Variants in RIF1 observed in about 807,000 individuals in gnomAD.
RIF1 encodes the protein telomere-associated protein RIF1.
Under a neutral mutation model 247.1 loss-of-function variants are expected in RIF1, and 45 were observed. The ratio of observed to expected loss-of-function variants is 0.18; its 90% CI spans 0.14 to 0.23. RIF1 has a LOEUF of 0.23. Among genes scored for constraint, RIF1 ranks in the 10% least tolerant of loss-of-function variants. RIF1 has a pLI of 1.00. For synonymous variants in RIF1, 1,087 were observed against 978.8 expected (o/e 1.11, Z -2.06); for missense variants, 2,967 against 2,862.5 (o/e 1.04, Z -0.83).
chr2:151,442,651 A>G (rs1277591356), intron 16 of RIF1, among the ~76,000 whole-genome samples: 2 of 152,008 alleles, frequency 1.3e-5, no homozygotes, highest in African/African-American at 2.4e-5. Flanking sequence ...TCTCTAGGAT[A>G]TAGGCATTGG....
At chr2:151,439,289 A>G (rs1265642865) in intron 14 of RIF1, among the ~76,000 whole-genome samples, 2 of 152,186 alleles carry the variant, frequency 1.3e-5, no homozygotes, top group African/African-American at 4.8e-5. Context: ...TCAAGGGTCA[A>G]CTGTACTTAG....
chr2:151,482,532 G>A (rs975213550), downstream of RIF1, among the ~76,000 whole-genome samples: 19 of 152,058 alleles, frequency 1.2e-4, no homozygotes, highest in Non-Finnish European at 2.6e-4. Flanking sequence ...CACATGGTGT[G>A]GGCGAGGGCA....
intron 20 of RIF1, among the ~76,000 whole-genome samples, chr2:151,451,398 TCA>T (rs1371765653): frequency 6.6e-6 from 1 of 152,202 alleles, no homozygotes; most frequent in Non-Finnish European, 1.5e-5. Flanking sequence ...CACTGTGTTC[TCA>T]CAAGATGAAA....
chr2:151,455,089 T>A lies in RIF1; in HGVS notation c.2539T>A (p.Leu847Met), dbSNP rs376040353. Residue 847 changes from leucine (L) to methionine (M), a missense_variant, in exon 22 of 36, where the codon TTG becomes ATG. This residue lies in a region of RIF1 where 2,028 missense variants were observed against 1,825.6 expected (regional missense o/e 1.11). Transcript: ENST00000444746. ...IISSVLGHIS[L>M]PSMIRKIFAT... ...TTCCAGTGTACTTGGGCATATTTCT[T>A]TGCCTTCTATGATCCGAAAAATATT... The A allele has an allele frequency of 1.8e-5, 29 of 1,613,328 alleles. No homozygotes were observed. In the African/African-American group the frequency reaches 3.7e-4, roughly 21 times the overall value.
At chr2:151,527,757 C>T in the RIF1 span, among the ~76,000 whole-genome samples, 5 of 152,326 alleles carry the variant, frequency 3.3e-5, no homozygotes, top group African/African-American at 1.2e-4. Context: ...GTCATCCACT[C>T]AGAGGTCATC....
At chr2:151,435,638 G>C in intron 11 of RIF1, 58 bp downstream of exon 11, 1 of 918,522 alleles carries the variant, frequency 1.1e-6, no homozygotes, top group South Asian at 1.5e-5. Flanking sequence ...TGACCTAGAA[G>C]CATAGTTTTG....
Position 151,498,927 on chromosome 2 carries a change from CAGT to C in RIF1, c.*514-415_*514-413del, listed in dbSNP as rs1407649326. Among the ~76,000 whole-genome samples, 5 of 150,606 alleles carry C rather than the reference CAGT, an allele frequency of 3.3e-5. No homozygotes were observed. The East Asian group carries it at 9.8e-4, about 29-fold the overall frequency. On this transcript the variant is annotated intron_variant and NMD_transcript_variant, in intron 10 of 13. Coordinates refer to the RIF1 transcript ENST00000454583. ...AACTTCAAAATATCTGTACAAATAA[CAGT>C]AGAGATAGAAAAGGTTAGAATAAGA...
At chr2:151,437,903 T>C (rs1490206946) in intron 13 of RIF1, among the ~76,000 whole-genome samples, 1 of 152,198 alleles carries the variant, frequency 6.6e-6, no homozygotes, top group Non-Finnish European at 1.5e-5. Flanking sequence ...GCTCTATGGC[T>C]CTAGCATCTG....
rs2058584112 is a variant in RIF1 at position 151,494,160 on chromosome 2, C to T, written c.*416-1069C>T. On this transcript the variant is annotated intron_variant and NMD_transcript_variant, in intron 9 of 13. Coordinates refer to the RIF1 transcript ENST00000454583. ...AGCACTTTTGTTTCTCAAGACAATACCGAGCTAATGTTTTCTTGATTGCGT... is the reference window on the plus strand; with the variant it reads ...AGCACTTTTGTTTCTCAAGACAATATCGAGCTAATGTTTTCTTGATTGCGT... 2 of 1,601,642 alleles carry T rather than the reference C, an allele frequency of 1.2e-6. No homozygotes were observed. The highest frequency in any genetic ancestry group is 1.3e-5 in the African/African-American group (1 of 74,770).
intron 35 of RIF1, 23 bp from the exon 36 acceptor site, chr2:151,474,834 G>A (rs1413302670): frequency 7.6e-7 from 1 of 1,319,452 alleles, no homozygotes; most frequent in Non-Finnish European, 1.1e-6. Flanking sequence ...AGATTTAATT[G>A]TGGTTTTTTT....
intron 21 of RIF1, 77 bp downstream of exon 21, chr2:151,451,782 T>C: frequency 1.4e-6 from 1 of 734,980 alleles, no homozygotes; most frequent in South Asian, 1.5e-5. Context: ...GAAGTCCTAA[T>C]ACCTTTGCCA....
intron 10 of RIF1, chr2:151,497,060 A>T (rs1402021400): frequency 6.4e-7 from 1 of 1,550,726 alleles, no homozygotes; most frequent in African/African-American, 1.4e-5. Context: ...CAACCAGAAA[A>T]ACAACCATGA....
chr2:151,483,601 T>C (rs1246659922), downstream of RIF1, among the ~76,000 whole-genome samples: 1 of 152,208 alleles, frequency 6.6e-6, no homozygotes, highest in Non-Finnish European at 1.5e-5. Context: ...CCCTACCTTA[T>C]GGATATTAAA....
the RIF1 span, chr2:151,518,864 T>C: frequency 1.4e-6 from 1 of 727,722 alleles, no homozygotes; most frequent in Non-Finnish European, 2.4e-6. Context: ...GTAATAAATC[T>C]AGGGTATCAG....
chr2:151,471,424 T>G (rs553744382), intron 34 of RIF1, among the ~76,000 whole-genome samples: 1 of 152,372 alleles, frequency 6.6e-6, no homozygotes, highest in African/African-American at 2.4e-5. Flanking sequence ...TTTTGGTGTT[T>G]TAGACGTGAA....
At chr2:151,527,612 C>A in the RIF1 span, 1 of 1,547,308 alleles carries the variant, frequency 6.5e-7, no homozygotes, top group South Asian at 1.1e-5. Context: ...AGAAAGGAAT[C>A]ACTTGATTCA....
At chr2:151,449,098 G>A in intron 20 of RIF1, among the ~76,000 whole-genome samples, 1 of 152,138 alleles carries the variant, frequency 6.6e-6, no homozygotes, top group East Asian at 1.9e-4. Flanking sequence ...CTTGATTATT[G>A]TTTTTAAGCT....
chr2:151,436,693 T>A (rs1573981603), intron 11 of RIF1, 134 bp from the exon 12 acceptor site: 1 of 585,692 alleles, frequency 1.7e-6, no homozygotes, highest in Non-Finnish European at 2.7e-6. Context: ...ATATTAATAT[T>A]TCAAGGTATG....
downstream of RIF1, among the ~76,000 whole-genome samples, chr2:151,483,509 A>T (rs1470032849): frequency 6.6e-6 from 1 of 152,076 alleles, no homozygotes; most frequent in East Asian, 1.9e-4. Flanking sequence ...TTTTGAGGCT[A>T]GTTGGTGGAT....
Sources: allele counts gnomAD v4.1 joint callset (sites outside exome capture counted in the v4.1 genomes callset), GRCh38; gene constraint gnomAD v4.1.1; regional missense constraint gnomAD v4.1.1; transcripts MANE v1.5; gene names NCBI Gene and HGNC (gene_info 2026-07-23, HGNC 2026-07-21).